SPECC1: variants seen among roughly 807,000 people sequenced by gnomAD.
SPECC1 encodes sperm antigen with calponin homology and coiled-coil domains 1, also known as cytospin-B.
A neutral mutation model predicts 104.1 loss-of-function variants in SPECC1; 62 were observed. The observed-to-expected ratio is 0.60, with a 90% CI of 0.49 to 0.74. The LOEUF (loss-of-function observed/expected upper bound fraction) is 0.74, where lower values mean the gene tolerates loss of function less well. SPECC1 is among the 30% of genes least tolerant of loss of function. The probability of loss-of-function intolerance (pLI) is 0.00; values close to 1 mark genes in which losing one functional copy is unlikely to be tolerated. For missense variants in SPECC1, 1,306 were observed against 1,310.5 expected, an observed-to-expected ratio of 1.00 and a Z score of 0.05; for synonymous variants, 513 against 501.6, an observed-to-expected ratio of 1.02 and a Z score of -0.30.
chr17:20,281,538 C>T (rs1407246132), intron 12 of SPECC1, among the ~76,000 whole-genome samples: 1 of 152,190 alleles, frequency 6.6e-6, no homozygotes, highest in Non-Finnish European at 1.5e-5. Flanking sequence ...CTACTCCCAG[C>T]CTCGAGGGCT....
At chr17:20,011,447 G>C (rs2152424978) in intron 1 of SPECC1, among the ~76,000 whole-genome samples, 1 of 152,006 alleles carries the variant, frequency 6.6e-6, no homozygotes, top group Non-Finnish European at 1.5e-5. Context: ...TAAGAAAACA[G>C]ACTCTTACAT....
chr17:20,241,086 T>A (rs1468998298), intron 7 of SPECC1, among the ~76,000 whole-genome samples: 2 of 152,250 alleles, frequency 1.3e-5, no homozygotes, highest in Non-Finnish European at 2.9e-5. Context: ...TCTGATCTTC[T>A]TCTCATGACT....
At position 20,257,526 on chromosome 17, in the gene SPECC1, G is replaced by A. The variant is rs907565693; in HGVS notation, c.2756G>A (p.Ser919Asn). ...LRKSPSLESLSRPPSLGFGDT... is the reference protein window; with the variant it reads ...LRKSPSLESLNRPPSLGFGDT... The stretch of plus-strand genomic sequence containing the variant: ...AAGAGTCCCTCACTAGAGTCACTGA[G>A]CAGACCCCCGTCTCTGGGCTTTGGG... The change falls in exon 11 of 15, where the codon AGC (serine) becomes AAC (asparagine). Residue 919 changes from serine to asparagine, a missense_variant. Physicochemically the swap from Ser to Asn is conservative, Grantham distance 46. Coordinates refer to ENST00000395527, the MANE Select transcript of SPECC1 (RefSeq NM_001243439.2). 1 of 1,613,462 alleles carries A rather than the reference G, an allele frequency of 6.2e-7. No homozygotes were observed. The highest frequency in any genetic ancestry group is 1.3e-5 in the African/African-American group (1 of 74,850).
chr17:20,293,588 A>G (rs990903704), intron 12 of SPECC1, among the ~76,000 whole-genome samples: 1 of 152,210 alleles, frequency 6.6e-6, no homozygotes, highest in African/African-American at 2.4e-5. Flanking sequence ...TGCTGGCTTC[A>G]CATTTCCCAG....
chr17:20,017,258 C>A (rs1017684987), intron 1 of SPECC1: 2 of 152,374 alleles, frequency 1.3e-5, no homozygotes, highest in Admixed American at 1.3e-4. Context: ...TGAGCTGCAA[C>A]ACACACCTCG....
At chr17:20,189,199 T>C (rs1218028484) in intron 3 of SPECC1, among the ~76,000 whole-genome samples, 1 of 152,220 alleles carries the variant, frequency 6.6e-6, no homozygotes, top group Non-Finnish European at 1.5e-5. Flanking sequence ...AGCTCCTCCT[T>C]ATTCTCAGTG....
intron 1 of SPECC1, among the ~76,000 whole-genome samples, chr17:20,046,958 A>G (rs2045563342): frequency 6.6e-6 from 1 of 152,144 alleles, no homozygotes; most frequent in Admixed American, 6.5e-5. Flanking sequence ...TGCTGAGAGC[A>G]GACTCCAGGG....
At chr17:20,238,490 C>G (rs1230648266) in intron 7 of SPECC1, 5 of 1,042,222 alleles carry the variant, frequency 4.8e-6, no homozygotes, top group Non-Finnish European at 5.8e-6. Context: ...TGAGACAAGA[C>G]AAAAGTTACT....
At position 20,132,796 on chromosome 17, in the gene SPECC1, G is replaced by C. The variant is rs571483787; in HGVS notation, c.283+22234G>C. Among the ~76,000 whole-genome samples, 521 of 151,986 alleles carry C rather than the reference G, an allele frequency of 3.4e-3. 1 individual carries two copies. Among genetic ancestry groups the C allele is most frequent in the African/African-American group, 0.012 (503 of 41,460 alleles). On this transcript the variant is annotated intron_variant, in intron 3 of 14. Coordinates refer to ENST00000395527, the MANE Select transcript of SPECC1 (RefSeq NM_001243439.2). ...GCTCTGTCACCCAGGCTGGAGTGCA[G>C]TGGCGTGATCTCGGCTCACTGCAAG...
At chr17:20,036,575 C>T (rs530334423) in intron 1 of SPECC1, among the ~76,000 whole-genome samples, 1 of 152,234 alleles carries the variant, frequency 6.6e-6, no homozygotes, top group South Asian at 2.1e-4. Context: ...GCTTAACACC[C>T]ACTCTTTTAG....
chr17:20,243,928 A>G (rs2039309984), intron 7 of SPECC1, among the ~76,000 whole-genome samples: 1 of 151,912 alleles, frequency 6.6e-6, no homozygotes, highest in Non-Finnish European at 1.5e-5. Context: ...TGGACTGGTA[A>G]GAAGGTGGCC....
At chr17:20,166,440 T>C (rs2033653539) in intron 3 of SPECC1, among the ~76,000 whole-genome samples, 1 of 152,188 alleles carries the variant, frequency 6.6e-6, no homozygotes, top group Non-Finnish European at 1.5e-5. Flanking sequence ...ATAATGAAAG[T>C]TGACATTTTA....
At chr17:20,013,750 G>C (rs569420583) in intron 1 of SPECC1, among the ~76,000 whole-genome samples, 1 of 150,612 alleles carries the variant, frequency 6.6e-6, no homozygotes, top group Admixed American at 6.6e-5. Flanking sequence ...TGATCTGCCT[G>C]CCTTACCCGC....
At chr17:20,098,032 A>G (rs976923610) in intron 2 of SPECC1, among the ~76,000 whole-genome samples, 1 of 152,170 alleles carries the variant, frequency 6.6e-6, no homozygotes, top group African/African-American at 2.4e-5. Flanking sequence ...TGACGGGTCC[A>G]TTCTCATGGC....
At chr17:20,176,296 CTCTTTT>C (rs2151202675) in intron 3 of SPECC1, among the ~76,000 whole-genome samples, 1 of 152,308 alleles carries the variant, frequency 6.6e-6, no homozygotes, top group South Asian at 2.1e-4. Context: ...TTAACCCCTT[CTCTTTT>C]TCTTTTGTCT....
chr17:20,039,701 T>C (rs1224016917), intron 1 of SPECC1, among the ~76,000 whole-genome samples: 1 of 151,976 alleles, frequency 6.6e-6, no homozygotes, highest in Non-Finnish European at 1.5e-5. Context: ...ACTACAGGCG[T>C]GTGCCACCAT....
At chr17:20,273,131 T>C (rs2151639808) in intron 12 of SPECC1, among the ~76,000 whole-genome samples, 1 of 152,286 alleles carries the variant, frequency 6.6e-6, no homozygotes, top group Middle Eastern at 3.4e-3. Context: ...AGAAAGGCCT[T>C]CTAGTCTCCT....
intron 1 of SPECC1, among the ~76,000 whole-genome samples, chr17:20,016,233 A>T (rs1362548546): frequency 1.3e-5 from 2 of 151,544 alleles, no homozygotes; most frequent in African/African-American, 4.8e-5. Flanking sequence ...AAAAAAAAAA[A>T]AATAGGTAAG....
chr17:20,023,881 A>G (rs2044497287), intron 1 of SPECC1, among the ~76,000 whole-genome samples: 2 of 152,186 alleles, frequency 1.3e-5, no homozygotes, highest in African/African-American at 4.8e-5. Flanking sequence ...AGAGCAGTAT[A>G]TGGATACTGG....
Sources: allele counts gnomAD v4.1 joint callset (sites outside exome capture counted in the v4.1 genomes callset), GRCh38; gene constraint gnomAD v4.1.1; transcripts MANE v1.5; gene names NCBI Gene and HGNC (gene_info 2026-07-23, HGNC 2026-07-21).